Variants in KLK13 observed in about 807,000 individuals in gnomAD.
KLK13 encodes the protein kallikrein related peptidase 13.
Under a neutral mutation model 22.4 loss-of-function variants are expected in KLK13, and 19 were observed. The ratio of observed to expected loss-of-function variants is 0.85; its 90% CI spans 0.59 to 1.24. KLK13 has a LOEUF of 1.24. KLK13 is among the 50% of genes most tolerant of loss of function. The pLI is 0.00. For missense variants in KLK13, 311 were observed against 347.9 expected (o/e 0.89, Z 0.84); for synonymous variants, 156 against 141.8 (o/e 1.10, Z -0.71).
At chr19:51,060,658 G>C (rs1466351323) in intron 1 of KLK13, 39 bp from the exon 2 acceptor site, 1 of 1,506,784 alleles carries the variant, frequency 6.6e-7, no homozygotes, top group African/African-American at 1.4e-5. Context: ...CTGGGATCCA[G>C]GGGGCAGAGG....
intron 1 of KLK13, among the ~76,000 whole-genome samples, chr19:51,061,101 C>A (rs1443199756): frequency 1.3e-5 from 2 of 152,018 alleles, no homozygotes; most frequent in African/African-American, 4.8e-5. Context: ...AGTCATCTAA[C>A]CATCTATCCA....
Position 51,065,060 on chromosome 19 carries a change from G to A in KLK13, c.8C>T (p.Pro3Leu), listed in dbSNP as rs1599791342. Residue 3 changes from proline to leucine, a missense_variant, in exon 1 of 5, where the codon CCC becomes CTC. Transcript: ENST00000595793. ...CAGGGAGGCGATCACTAGGGCCAGGGGCCACATGGCTCCGGGATCGGGAGG... is the reference window on the plus strand; with the variant it reads ...CAGGGAGGCGATCACTAGGGCCAGGAGCCACATGGCTCCGGGATCGGGAGG... Reference protein sequence around the residue: MWPLALVIASLTL... With the variant: MWLLALVIASLTL... 6.6e-7 allele frequency: 1 copy of A among 1,506,240 alleles called. No individual in the cohort carries two copies. Among genetic ancestry groups the A allele is most frequent in the Non-Finnish European group, 9.0e-7 (1 of 1,112,514 alleles). 93.3% of individuals were successfully genotyped at this position (1,506,240 alleles called of 1,614,324 possible).
chr19:51,063,820 T>C, intron 1 of KLK13: 1 of 466,388 alleles, frequency 2.1e-6, no homozygotes, highest in Non-Finnish European at 4.3e-6. Flanking sequence ...GAAGCCGCCA[T>C]TACATCTCTA....
At chr19:51,060,640 T>C in intron 1 of KLK13, 21 bp from the exon 2 acceptor site, 1 of 1,557,970 alleles carries the variant, frequency 6.4e-7, no homozygotes, top group Non-Finnish European at 8.8e-7. Context: ...AGAGAGATTG[T>C]TAGAAAACTG....
intron 1 of KLK13, among the ~76,000 whole-genome samples, chr19:51,063,139 A>C (rs2091745783): frequency 6.6e-6 from 1 of 152,232 alleles, no homozygotes; most frequent in Non-Finnish European, 1.5e-5. Flanking sequence ...AGGAGGACAC[A>C]GAAGCCTCAT....
At position 51,060,528 on chromosome 19, in the gene KLK13, G is replaced by A; in HGVS notation, c.144C>T (p.Pro48=). 1 of 1,614,002 alleles carries A rather than the reference G, an allele frequency of 6.2e-7. No individual in the cohort carries two copies. Among genetic ancestry groups the A allele is most frequent in the African/African-American group, 1.3e-5 (1 of 75,042 alleles). Reference sequence around the variant, plus strand: ...CTTGCACTAGTAGGGCAGCCTGCCAGGGCTGAGAGTGGGGGAAGCAGGTGT... The same window carrying A: ...CTTGCACTAGTAGGGCAGCCTGCCAAGGCTGAGAGTGGGGGAAGCAGGTGT... The part of the protein sequence containing the change: ...GGYTCFPHSQ[P]WQAALLVQGR... The change falls in exon 2 of 5, where the codon CCC becomes CCT. Residue 48 remains proline, a synonymous_variant. Coordinates refer to ENST00000595793, the MANE Select transcript of KLK13 (RefSeq NM_015596.3).
chr19:51,061,181 TCATCCATCCATCCATC>T (rs57784587), intron 1 of KLK13, among the ~76,000 whole-genome samples: 5,113 of 144,020 alleles, frequency 0.036, 124 homozygotes, highest in Non-Finnish European at 0.051. Flanking sequence ...GTCCATTTAT[TCATCCATCCATCCATC>T]CATCCATCCA....
intron 1 of KLK13, among the ~76,000 whole-genome samples, chr19:51,063,000 G>A (rs1330813329): frequency 2.0e-5 from 3 of 152,084 alleles, no homozygotes; most frequent in Admixed American, 6.6e-5. Flanking sequence ...ACGTTAAATC[G>A]CACACTCAGA....
intron 4 of KLK13, 70 bp from the exon 5 acceptor site, chr19:51,056,845 G>A (rs2091680194): frequency 2.5e-6 from 3 of 1,208,780 alleles, no homozygotes; most frequent in African/African-American, 3.0e-5. Context: ...GGACAGGGAG[G>A]TGTGGGGAGA....
intron 1 of KLK13, chr19:51,064,732 A>T (rs1599790791): frequency 7.8e-6 from 5 of 643,414 alleles, no homozygotes; most frequent in Non-Finnish European, 1.4e-5. Flanking sequence ...ACGCGAACCC[A>T]TGTCTTTCAG....
intron 1 of KLK13, chr19:51,063,771 G>T: frequency 2.2e-6 from 1 of 459,400 alleles, no homozygotes; most frequent in Non-Finnish European, 4.4e-6. Flanking sequence ...TTCAGGTCTT[G>T]GCTCAAGGGT....
chr19:51,056,355 G>A lies in KLK13; in HGVS notation c.*232C>T, dbSNP rs988712996. The A allele has an allele frequency of 1.3e-5, 7 of 523,938 alleles. No individual in the cohort carries two copies. Among genetic ancestry groups the A allele is most frequent in the Non-Finnish European group, 2.4e-5 (7 of 293,140 alleles). The allele number at this position is 523,938 out of a possible 1,614,324, so 32.5% of individuals were successfully genotyped here. A position where few individuals can be genotyped will look rare whatever the true frequency, so the allele number is the denominator to read the frequency against. ...TTGAGAGACCTGGGCCATTGTCTGGGTTGGGACATTCAGGTTGTTGAGATG... is the reference window on the plus strand; with the variant it reads ...TTGAGAGACCTGGGCCATTGTCTGGATTGGGACATTCAGGTTGTTGAGATG... On this transcript the variant is annotated 3_prime_UTR_variant, in exon 5 of 5. Coordinates refer to ENST00000595793, the MANE Select transcript of KLK13 (RefSeq NM_015596.3).
rs1210772423 is a variant in KLK13 at position 51,058,628 on chromosome 19, T to C, written c.555A>G (p.Ser185=). Residue 185 remains serine, a synonymous_variant, in exon 4 of 5, where the codon TCA becomes TCG. Coordinates refer to ENST00000595793, the MANE Select transcript of KLK13 (RefSeq NM_015596.3). ...TLQCANIQLR[S]DEECRQVYPG... ...GGTAGACTTGACGACACTCCTCATC[T>C]GAGCGAAGTTGGATGTTGGCACATT... The C allele has an allele frequency of 3.7e-6, 6 of 1,614,212 alleles. No individual in the cohort carries two copies. The highest frequency in any genetic ancestry group is 1.7e-5 in the Admixed American group (1 of 60,026).
intron 1 of KLK13, among the ~76,000 whole-genome samples, chr19:51,060,954 G>T (rs187810567): frequency 6.6e-6 from 1 of 152,148 alleles, no homozygotes; most frequent in Non-Finnish European, 1.5e-5. Flanking sequence ...TGGATTTCAG[G>T]AGGTAGAAGT....
Position 51,056,044 on chromosome 19 carries a change from G to A in KLK13, c.*543C>T, listed in dbSNP as rs1460546923. Among the ~76,000 whole-genome samples, 1 of 152,182 alleles carries A rather than the reference G, an allele frequency of 6.6e-6. No homozygotes were observed. The highest frequency in any genetic ancestry group is 1.5e-5 in the Non-Finnish European group (1 of 68,030). On this transcript the variant is annotated 3_prime_UTR_variant, in exon 5 of 5. Transcript: ENST00000595793. ...CTGAGGATCCAATGTTAGCTGTGGT[G>A]AGTCACAGAGGTACACAGAATGTTG...
At position 51,056,639 on chromosome 19, in the gene KLK13, G is replaced by A. The variant is rs556450631; in HGVS notation, c.782C>T (p.Thr261Ile). ...CTGCTGGGTTTCATATTTTCGGATT[G>A]TTTCACGGATCCACAGGACGTATCT... ...VSRYVLWIRE[T>I]IRKYETQQQK... The change falls in exon 5 of 5, where the codon ACA becomes ATA. Residue 261 changes from threonine (T) to isoleucine (I), a missense_variant. Thr to Ile is a moderately conservative substitution (Grantham distance 89, BLOSUM62 -1). Transcript: ENST00000595793. 4.1e-5 allele frequency: 66 copies of A among 1,614,034 alleles called. No individual in the cohort carries two copies. In the South Asian group the frequency reaches 6.6e-4, roughly 16 times the overall value.
chr19:51,058,377 C>G lies in KLK13; in HGVS notation c.645+161G>C, dbSNP rs564073522. 2.4e-3 allele frequency among the ~76,000 whole-genome samples: 362 copies of G among 152,348 alleles called. 2 individuals are homozygous for G. Among genetic ancestry groups the G allele is most frequent in the African/African-American group, 8.2e-3 (340 of 41,586 alleles). ...TTATGATGAATTATTCCTGCCATCC[C>G]TGGGTACCCCTTTTTGTCTTGACCT... On this transcript the variant is annotated intron_variant, in intron 4 of 4. Transcript: ENST00000595793.
At chr19:51,062,882 C>T (rs1191785316) in intron 1 of KLK13, among the ~76,000 whole-genome samples, 1 of 152,072 alleles carries the variant, frequency 6.6e-6, no homozygotes, top group Non-Finnish European at 1.5e-5. Flanking sequence ...GCTAGTTTCC[C>T]CAACTACAGG....
In KLK13 at chr19:51,056,538, T is replaced by C; in HGVS notation, c.*49A>G. The C allele has an allele frequency of 6.4e-7, 1 of 1,566,956 alleles. No homozygotes were observed. Among genetic ancestry groups the C allele is most frequent in the Non-Finnish European group, 8.8e-7 (1 of 1,139,952 alleles). On this transcript the variant is annotated 3_prime_UTR_variant, in exon 5 of 5. Coordinates refer to ENST00000595793, the MANE Select transcript of KLK13 (RefSeq NM_015596.3). ...GAGCAGAGAAGGGCTAAGCAGACCA[T>C]GTGAGGAAGTCATGGTGACAGGATG...
Sources: allele counts gnomAD v4.1 joint callset (sites outside exome capture counted in the v4.1 genomes callset), GRCh38; gene constraint gnomAD v4.1.1; transcripts MANE v1.5; gene names NCBI Gene and HGNC (gene_info 2026-07-23, HGNC 2026-07-21).